Variants in LIMS1 observed in about 807,000 individuals in gnomAD.
LIMS1 encodes the protein LIM and senescent cell antigen-like-containing domain protein 1.
Under a neutral mutation model 44.1 loss-of-function variants are expected in LIMS1, and 18 were observed. That is an observed-to-expected ratio of 0.41 (90% confidence interval 0.28 to 0.61). The LOEUF is 0.61. Among genes scored for constraint, LIMS1 ranks in the 20% least tolerant of loss-of-function variants. The pLI is 0.32. For synonymous variants in LIMS1, 93 were observed against 149.1 expected, an observed-to-expected ratio of 0.62 and a Z score of 2.74; for missense variants, 201 against 422.0, an observed-to-expected ratio of 0.48 and a Z score of 4.59.
At chr2:108,650,064 A>T (rs1299912625) in intron 1 of LIMS1, among the ~76,000 whole-genome samples, 1 of 152,216 alleles carries the variant, frequency 6.6e-6, no homozygotes, top group Non-Finnish European at 1.5e-5. Context: ...GCCACCTAGC[A>T]GACCTGCTAT....
intron 8 of LIMS1, among the ~76,000 whole-genome samples, chr2:108,679,461 C>T (rs1028244211): frequency 6.6e-6 from 1 of 151,982 alleles, no homozygotes; most frequent in Non-Finnish European, 1.5e-5. Context: ...GCCTGGGCAA[C>T]AAGAGCAAAA....
chr2:108,631,750 G>A (rs189505488), intron 1 of LIMS1, among the ~76,000 whole-genome samples: 3 of 152,250 alleles, frequency 2.0e-5, no homozygotes, highest in Non-Finnish European at 2.9e-5. Flanking sequence ...GTCTGCACAC[G>A]TGCCCTTTCT....
intron 1 of LIMS1, among the ~76,000 whole-genome samples, chr2:108,585,214 G>A (rs1296566593): frequency 6.6e-6 from 1 of 151,706 alleles, no homozygotes; most frequent in Non-Finnish European, 1.5e-5. Context: ...TACCTTAAGG[G>A]ATGCTGACTG....
In LIMS1 at chr2:108,657,519, C is replaced by A. The variant is rs1276813161; in HGVS notation, c.33-2086C>A. ...TCCTTCATCCAGGAATACCTGTGGA[C>A]TTTGGTCAGAAAGAGGGAAGAAGCA... On this transcript the variant is annotated intron_variant, in intron 1 of 9. Transcript: ENST00000544547. Among the ~76,000 whole-genome samples, 8 of 152,408 alleles carry A rather than the reference C, an allele frequency of 5.2e-5. No homozygotes were observed. In the East Asian group the frequency reaches 1.5e-3, roughly 29 times the overall value.
chr2:108,621,893 A>T (rs1442828478), intron 1 of LIMS1, among the ~76,000 whole-genome samples: 1 of 152,134 alleles, frequency 6.6e-6, no homozygotes, highest in Admixed American at 6.5e-5. Flanking sequence ...ATTGTTACTG[A>T]AATGGTGTAA....
chr2:108,604,862 A>G (rs13418771), intron 1 of LIMS1, among the ~76,000 whole-genome samples: 3,233 of 152,278 alleles, frequency 0.021, 49 homozygotes, highest in Non-Finnish European at 0.025. Context: ...GGTAAGAGCA[A>G]TTTACCTGCA....
intron 1 of LIMS1, among the ~76,000 whole-genome samples, chr2:108,572,539 C>G (rs1042781249): frequency 4.0e-5 from 6 of 151,838 alleles, no homozygotes; most frequent in African/African-American, 7.3e-5. Flanking sequence ...GGAGGATTAC[C>G]CCACCCAGCT....
At chr2:108,576,635 A>G (rs1341704494) in intron 1 of LIMS1, among the ~76,000 whole-genome samples, 1 of 152,100 alleles carries the variant, frequency 6.6e-6, no homozygotes, top group Non-Finnish European at 1.5e-5. Flanking sequence ...TCCTGACCTC[A>G]TGATCTGCCT....
chr2:108,630,285 G>T (rs1015503451), intron 1 of LIMS1, among the ~76,000 whole-genome samples: 1 of 151,820 alleles, frequency 6.6e-6, no homozygotes, highest in Non-Finnish European at 1.5e-5. Context: ...TGAAATTCAG[G>T]CATCCCTGTA....
At chr2:108,592,755 G>C (rs944075526) in intron 1 of LIMS1, among the ~76,000 whole-genome samples, 19 of 152,248 alleles carry the variant, frequency 1.2e-4, no homozygotes, top group Admixed American at 1.0e-3. Flanking sequence ...GTGTGATTTT[G>C]AACAAATTAT....
At chr2:108,568,489 A>G (rs1217623706) in intron 1 of LIMS1, among the ~76,000 whole-genome samples, 1 of 152,238 alleles carries the variant, frequency 6.6e-6, no homozygotes, top group African/African-American at 2.4e-5. Flanking sequence ...TACTATGAAC[A>G]TGGGTTACAA....
chr2:108,679,977 C>G (rs1338693317), intron 8 of LIMS1, among the ~76,000 whole-genome samples: 7 of 152,078 alleles, frequency 4.6e-5, no homozygotes, highest in Admixed American at 3.9e-4. Context: ...ATAATCTCAG[C>G]ATTTTGGGAG....
chr2:108,609,046 C>T (rs760659956), intron 1 of LIMS1, among the ~76,000 whole-genome samples: 1 of 152,102 alleles, frequency 6.6e-6, no homozygotes, highest in Non-Finnish European at 1.5e-5. Flanking sequence ...GCTGAGGTGG[C>T]GTCTTTCTGA....
chr2:108,576,502 G>A (rs1395509323), intron 1 of LIMS1, among the ~76,000 whole-genome samples: 2 of 152,190 alleles, frequency 1.3e-5, no homozygotes, highest in Admixed American at 6.5e-5. Flanking sequence ...CCGGGTTCAA[G>A]CGATTCTTCT....
chr2:108,622,804 C>T (rs557050069), intron 1 of LIMS1, among the ~76,000 whole-genome samples: 79 of 151,972 alleles, frequency 5.2e-4, no homozygotes, highest in Non-Finnish European at 9.3e-4. Flanking sequence ...TTTCAGATTT[C>T]GGGGTTTGGA....
chr2:108,642,310 A>C (rs1689722593), intron 1 of LIMS1, among the ~76,000 whole-genome samples: 1 of 151,284 alleles, frequency 6.6e-6, no homozygotes, highest in African/African-American at 2.4e-5. Context: ...TTACTACTTA[A>C]GAGGAGTAAT....
chr2:108,555,533 G>A (rs1684897221), intron 1 of LIMS1, among the ~76,000 whole-genome samples: 1 of 152,222 alleles, frequency 6.6e-6, no homozygotes, highest in Admixed American at 6.5e-5. Flanking sequence ...ATCCTAGTCT[G>A]CTTTGGTAAT....
chr2:108,541,829 A>G (rs1017712679), intron 1 of LIMS1, among the ~76,000 whole-genome samples: 3 of 152,214 alleles, frequency 2.0e-5, no homozygotes, highest in African/African-American at 4.8e-5. Context: ...TGGAGCATTA[A>G]TTTAGCCCCC....
At chr2:108,561,683 A>T (rs1413984384) in intron 1 of LIMS1, among the ~76,000 whole-genome samples, 2 of 149,542 alleles carry the variant, frequency 1.3e-5, no homozygotes, top group Admixed American at 1.3e-4. Context: ...TTCTCACAAT[A>T]TTTCAAACTT....
Sources: allele counts gnomAD v4.1 joint callset (sites outside exome capture counted in the v4.1 genomes callset), GRCh38; gene constraint gnomAD v4.1.1; transcripts MANE v1.5; gene names NCBI Gene and HGNC (gene_info 2026-07-23, HGNC 2026-07-21).